The following LRRTM4 variants were observed in gnomAD, a reference collection of about 807,000 sequenced individuals.
LRRTM4 encodes the protein leucine rich repeat transmembrane neuronal 4, also known as leucine-rich repeat transmembrane neuronal protein 4.
In LRRTM4, 25 loss-of-function variants were observed where a neutral mutation model predicts 47.6. The ratio of observed to expected loss-of-function variants is 0.53; its 90% CI spans 0.38 to 0.73. LRRTM4 has a LOEUF of 0.73. Ranked by LOEUF, LRRTM4 falls within the 30% of genes least tolerant of loss-of-function variation. The pLI, the probability that LRRTM4 is intolerant of heterozygous loss-of-function variation, is 0.00. For missense variants in LRRTM4, 638 were observed against 713.4 expected (o/e 0.89, Z 1.20); for synonymous variants, 311 against 269.5 (o/e 1.15, Z -1.51).
intron 3 of LRRTM4, among the ~76,000 whole-genome samples, chr2:76,885,564 G>A (rs1673048739): frequency 6.7e-6 from 1 of 149,486 alleles, no homozygotes; most frequent in African/African-American, 2.5e-5. Context: ...CCGGGTTCAC[G>A]CCATTCTCCC....
At chr2:77,035,754 C>A (rs962425052) in intron 3 of LRRTM4, among the ~76,000 whole-genome samples, 1 of 151,734 alleles carries the variant, frequency 6.6e-6, no homozygotes, top group Non-Finnish European at 1.5e-5. Context: ...TATGAGTGCA[C>A]CACAATTTGT....
Position 77,521,729 on chromosome 2 carries a change from T to G in LRRTM4, c.-58A>C. ...TCAGCTTTCTTCTTATTTGGTCTCT[T>G]GTGCGGAAACCACCACCACCTTCAT... On this transcript the variant is annotated 5_prime_UTR_variant, in exon 2 of 4. Transcript: ENST00000409884. 6.2e-7 allele frequency: 1 copy of G among 1,605,518 alleles called. No individual in the cohort carries two copies. Among genetic ancestry groups the G allele is most frequent in the East Asian group, 2.2e-5 (1 of 44,766 alleles).
intron 3 of LRRTM4, among the ~76,000 whole-genome samples, chr2:77,482,597 A>G (rs1309583177): frequency 2.0e-5 from 3 of 152,196 alleles, no homozygotes; most frequent in African/African-American, 7.2e-5. Flanking sequence ...ATCATTACAT[A>G]ATATAAAGAC....
chr2:77,503,665 G>A lies in LRRTM4; in HGVS notation c.1551+14653C>T, dbSNP rs778746574. Among the ~76,000 whole-genome samples, 36 of 151,578 alleles carry A rather than the reference G, an allele frequency of 2.4e-4. 1 individual carries two copies. Among genetic ancestry groups the A allele is most frequent in the Non-Finnish European group, 1.9e-4 (13 of 67,636 alleles). ...ACAGAGAGAGAATATGATGGAATAA[G>A]AGAATACCACAAGGATGTAGCCATA... On this transcript the variant is annotated intron_variant, in intron 3 of 3. Transcript: ENST00000409884.
intron 3 of LRRTM4, among the ~76,000 whole-genome samples, chr2:77,331,680 T>C (rs532603593): frequency 6.6e-6 from 1 of 152,150 alleles, no homozygotes; most frequent in Non-Finnish European, 1.5e-5. Context: ...TAAATCCTGA[T>C]GTGGTAAGAA....
At chr2:76,870,313 T>A (rs1672586908) in intron 3 of LRRTM4, among the ~76,000 whole-genome samples, 1 of 152,172 alleles carries the variant, frequency 6.6e-6, no homozygotes, top group Non-Finnish European at 1.5e-5. Context: ...GTGTGCTGTA[T>A]ATAATAAATA....
At chr2:77,114,262 T>A (rs190330683) in intron 3 of LRRTM4, among the ~76,000 whole-genome samples, 1 of 152,170 alleles carries the variant, frequency 6.6e-6, no homozygotes, top group East Asian at 1.9e-4. Context: ...GCACCAACAC[T>A]ATCCCATTGT....
intron 3 of LRRTM4, among the ~76,000 whole-genome samples, chr2:77,303,165 T>C (rs1204865802): frequency 3.9e-5 from 6 of 151,912 alleles, no homozygotes; most frequent in Non-Finnish European, 7.4e-5. Context: ...TTTTTAGTCA[T>C]CTGCTTAAAA....
intron 3 of LRRTM4, among the ~76,000 whole-genome samples, chr2:76,895,329 C>T (rs546678422): frequency 6.6e-6 from 1 of 152,066 alleles, no homozygotes; most frequent in South Asian, 2.1e-4. Context: ...ATTGCTGTAC[C>T]CTTTATCCAT....
At chr2:76,788,273 G>A (rs1395083524) in intron 3 of LRRTM4, among the ~76,000 whole-genome samples, 1 of 152,056 alleles carries the variant, frequency 6.6e-6, no homozygotes, top group African/African-American at 2.4e-5. Context: ...GGTTGAGAGG[G>A]GACAACATCT....
chr2:76,939,987 TAA>T (rs1558750946), intron 3 of LRRTM4, among the ~76,000 whole-genome samples: 1 of 152,026 alleles, frequency 6.6e-6, no homozygotes, highest in East Asian at 1.9e-4. Flanking sequence ...ATTCAAAAAA[TAA>T]CAGATGCTGA....
intron 3 of LRRTM4, among the ~76,000 whole-genome samples, chr2:77,151,466 A>T (rs1672428994): frequency 6.6e-6 from 1 of 152,226 alleles, no homozygotes; most frequent in South Asian, 2.1e-4. Flanking sequence ...AAATACTGGA[A>T]TCAGGTTCTC....
chr2:76,990,411 A>G (rs1445883376), intron 3 of LRRTM4, among the ~76,000 whole-genome samples: 1 of 151,920 alleles, frequency 6.6e-6, no homozygotes, highest in Non-Finnish European at 1.5e-5. Context: ...TAAAAGACTC[A>G]TCTCCTATGT....
At chr2:77,005,952 T>C (rs1677627896) in intron 3 of LRRTM4, among the ~76,000 whole-genome samples, 1 of 152,154 alleles carries the variant, frequency 6.6e-6, no homozygotes, top group African/African-American at 2.4e-5. Context: ...ACAGAGAAAC[T>C]GAGGCACAAA....
intron 3 of LRRTM4, among the ~76,000 whole-genome samples, chr2:76,960,335 TTTTTA>T (rs1202781040): frequency 1.3e-5 from 2 of 151,742 alleles, no homozygotes; most frequent in African/African-American, 4.8e-5. Flanking sequence ...TTACATGCAT[TTTTTA>T]TTTTTTGTTT....
Position 77,482,677 on chromosome 2 carries a change from C to T in LRRTM4, c.1551+35641G>A, listed in dbSNP as rs1394330293. ...TATCTGTAATTTTAATACAAATAAC[C>T]GTGGTAATTATCATCAAAAGCAAGT... is the stretch of plus-strand genomic sequence containing the variant. On this transcript the variant is annotated intron_variant, in intron 3 of 3. Transcript: ENST00000409884. 7.9e-5 allele frequency among the ~76,000 whole-genome samples: 12 copies of T among 151,946 alleles called. No individual in the cohort carries two copies. In the East Asian group the frequency reaches 1.7e-3, roughly 22 times the overall value.
chr2:76,908,955 G>C (rs1433845970), intron 3 of LRRTM4, among the ~76,000 whole-genome samples: 1 of 152,128 alleles, frequency 6.6e-6, no homozygotes, highest in African/African-American at 2.4e-5. Flanking sequence ...TCCCCATCAA[G>C]CTACCAATGC....
chr2:77,510,367 A>G (rs1472212300), intron 3 of LRRTM4, among the ~76,000 whole-genome samples: 5 of 152,116 alleles, frequency 3.3e-5, no homozygotes, highest in Admixed American at 1.3e-4. Context: ...TGAAATGCAA[A>G]TATAGAATTT....
At chr2:77,297,667 T>G (rs1320646702) in intron 3 of LRRTM4, among the ~76,000 whole-genome samples, 1 of 152,190 alleles carries the variant, frequency 6.6e-6, no homozygotes, top group Non-Finnish European at 1.5e-5. Flanking sequence ...CCCAGGAGCC[T>G]CTCTATGCTG....
Sources: allele counts gnomAD v4.1 joint callset (sites outside exome capture counted in the v4.1 genomes callset), GRCh38; gene constraint gnomAD v4.1.1; transcripts MANE v1.5; gene names NCBI Gene and HGNC (gene_info 2026-07-23, HGNC 2026-07-21).